CLSTN2: variants seen among roughly 807,000 people sequenced by gnomAD.
The protein encoded by CLSTN2 is calsyntenin 2, also known as calsyntenin-2.
Under a neutral mutation model 101.2 loss-of-function variants are expected in CLSTN2, and 48 were observed. The ratio of observed to expected loss-of-function variants is 0.47; its 90% CI spans 0.38 to 0.60. CLSTN2 has a LOEUF of 0.60. CLSTN2 is among the 20% of genes least tolerant of loss of function. CLSTN2 has a pLI of 0.00. For synonymous variants in CLSTN2, 481 were observed against 463.6 expected (o/e 1.04, Z -0.48); for missense variants, 1,160 against 1,238.2 (o/e 0.94, Z 0.95).
chr3:140,552,851 G>A (rs1935730017), intron 10 of CLSTN2, among the ~76,000 whole-genome samples: 1 of 152,200 alleles, frequency 6.6e-6, no homozygotes, highest in South Asian at 2.1e-4. Flanking sequence ...CTCTGCTATA[G>A]GAGGATGGTG....
At chr3:140,210,668 G>A (rs2010843965) in intron 2 of CLSTN2, among the ~76,000 whole-genome samples, 1 of 152,072 alleles carries the variant, frequency 6.6e-6, no homozygotes, top group Non-Finnish European at 1.5e-5. Flanking sequence ...CACTGTGTCT[G>A]GACCAGTCTT....
At chr3:140,353,242 C>CATAT (rs34831776) in intron 2 of CLSTN2, among the ~76,000 whole-genome samples, 1,723 of 146,802 alleles carry the variant, frequency 0.012, 17 homozygotes, top group Middle Eastern at 0.018. Flanking sequence ...TATGTTTACA[C>CATAT]ATATATATAT....
chr3:140,186,016 G>A (rs2010480831), intron 2 of CLSTN2, among the ~76,000 whole-genome samples: 2 of 152,170 alleles, frequency 1.3e-5, no homozygotes, highest in Non-Finnish European at 2.9e-5. Context: ...AAAACTACCT[G>A]TTATATAGTT....
intron 1 of CLSTN2, among the ~76,000 whole-genome samples, chr3:140,115,580 T>A (rs2009228407): frequency 6.6e-6 from 1 of 152,136 alleles, no homozygotes; most frequent in Admixed American, 6.5e-5. Context: ...CTGATTAGAT[T>A]TTCTCCCCAA....
intron 2 of CLSTN2, among the ~76,000 whole-genome samples, chr3:140,379,180 T>C (rs2087952442): frequency 6.6e-6 from 1 of 152,216 alleles, no homozygotes; most frequent in African/African-American, 2.4e-5. Flanking sequence ...CTTTCCCCTT[T>C]AGTTGCTGCT....
At chr3:140,152,635 G>A (rs2009885667) in intron 1 of CLSTN2, among the ~76,000 whole-genome samples, 1 of 152,168 alleles carries the variant, frequency 6.6e-6, no homozygotes, top group Non-Finnish European at 1.5e-5. Flanking sequence ...GGCAATTGGT[G>A]CTCACGTTCT....
intron 2 of CLSTN2, among the ~76,000 whole-genome samples, chr3:140,282,929 C>A (rs1043591620): frequency 6.6e-6 from 1 of 152,152 alleles, no homozygotes; most frequent in Non-Finnish European, 1.5e-5. Flanking sequence ...TCCCTTCAAC[C>A]TTCAACTGCT....
At chr3:140,388,541 A>G (rs944682063) in intron 2 of CLSTN2, among the ~76,000 whole-genome samples, 13 of 152,218 alleles carry the variant, frequency 8.5e-5, no homozygotes, top group Admixed American at 6.5e-4. Flanking sequence ...GGTAATTATT[A>G]TTATACTACT....
At chr3:140,471,617 C>T (rs571579433) in intron 8 of CLSTN2, among the ~76,000 whole-genome samples, 4 of 152,346 alleles carry the variant, frequency 2.6e-5, no homozygotes, top group South Asian at 2.1e-4. Flanking sequence ...ACCCAGTTTA[C>T]ATATCCTTGG....
chr3:140,387,575 A>C (rs369444372), intron 2 of CLSTN2, among the ~76,000 whole-genome samples: 20 of 152,356 alleles, frequency 1.3e-4, no homozygotes, highest in African/African-American at 4.6e-4. Context: ...CTGATGTTCT[A>C]ACCTTAAACC....
intron 1 of CLSTN2, among the ~76,000 whole-genome samples, chr3:140,074,744 C>T (rs888648630): frequency 2.6e-5 from 4 of 152,094 alleles, no homozygotes; most frequent in Non-Finnish European, 4.4e-5. Context: ...CATTTGACTC[C>T]GGAGCCTGAG....
At chr3:140,130,978 C>A (rs2009513886) in intron 1 of CLSTN2, among the ~76,000 whole-genome samples, 2 of 152,188 alleles carry the variant, frequency 1.3e-5, no homozygotes, top group South Asian at 4.2e-4. Context: ...TCCCCCTGGA[C>A]CCCTTTCAAT....
chr3:140,085,474 G>A (rs1329793107), intron 1 of CLSTN2, among the ~76,000 whole-genome samples: 1 of 152,086 alleles, frequency 6.6e-6, no homozygotes, highest in Admixed American at 6.6e-5. Context: ...TACCCTGCTG[G>A]GACCAACCTC....
intron 2 of CLSTN2, among the ~76,000 whole-genome samples, chr3:140,383,408 G>C (rs1180939293): frequency 6.6e-6 from 1 of 152,192 alleles, no homozygotes; most frequent in Non-Finnish European, 1.5e-5. Flanking sequence ...AAAGATTTAA[G>C]TGATTGAATT....
At chr3:140,033,140 C>A (rs764629175) in intron 1 of CLSTN2, among the ~76,000 whole-genome samples, 3 of 152,168 alleles carry the variant, frequency 2.0e-5, no homozygotes, top group East Asian at 1.9e-4. Flanking sequence ...AGGACTGACA[C>A]GTAGTAGATA....
chr3:140,481,427 T>G (rs912874143), intron 8 of CLSTN2, among the ~76,000 whole-genome samples: 1 of 152,186 alleles, frequency 6.6e-6, no homozygotes, highest in African/African-American at 2.4e-5. Flanking sequence ...CTTGACAATG[T>G]GGGCTCCTTT....
At chr3:140,058,223 A>T (rs1302138186) in intron 1 of CLSTN2, among the ~76,000 whole-genome samples, 1 of 152,218 alleles carries the variant, frequency 6.6e-6, no homozygotes, top group African/African-American at 2.4e-5. Context: ...AGGTGGAAAT[A>T]AGATGTGTTC....
intron 2 of CLSTN2, among the ~76,000 whole-genome samples, chr3:140,315,629 A>G (rs1210194366): frequency 1.3e-5 from 2 of 152,124 alleles, no homozygotes; most frequent in East Asian, 1.9e-4. Flanking sequence ...CTGGTTTTTA[A>G]CTAGTAAAGG....
At chr3:140,054,339 A>C (rs2008056988) in intron 1 of CLSTN2, among the ~76,000 whole-genome samples, 2 of 152,166 alleles carry the variant, frequency 1.3e-5, no homozygotes, top group Admixed American at 1.3e-4. Context: ...TCCCTTTGAT[A>C]GTTGCTGAAA....
Sources: allele counts gnomAD v4.1 joint callset (sites outside exome capture counted in the v4.1 genomes callset), GRCh38; gene constraint gnomAD v4.1.1; transcripts MANE v1.5; gene names NCBI Gene and HGNC (gene_info 2026-07-23, HGNC 2026-07-21).